AGAP2: variants seen among roughly 807,000 people sequenced by gnomAD.
AGAP2 encodes ArfGAP with GTPase domain, ankyrin repeat and PH domain 2, also known as arf-GAP with GTPase, ANK repeat and PH domain-containing protein 2.
In AGAP2, 32 loss-of-function variants were observed where a neutral mutation model predicts 110.9. The ratio of observed to expected loss-of-function variants is 0.29; its 90% CI spans 0.22 to 0.39. The LOEUF is 0.39. Among genes scored for constraint, AGAP2 ranks in the 10% least tolerant of loss-of-function variants. The pLI, the probability that AGAP2 is intolerant of heterozygous loss-of-function variation, is 1.00. For synonymous variants in AGAP2, 702 were observed against 713.0 expected (o/e 0.98, Z 0.25); for missense variants, 1,285 against 1,638.5 (o/e 0.78, Z 3.72).
At chr12:57,741,614 T>A (rs1254733622), upstream of AGAP2, among the ~76,000 whole-genome samples, 1 of 152,110 alleles carries the variant, frequency 6.6e-6, no homozygotes, top group Non-Finnish European at 1.5e-5. Context: ...AGGGAACAAG[T>A]CTACCATGAG....
At position 57,737,102 on chromosome 12, in the gene AGAP2, C is replaced by T. The variant is rs746865207; in HGVS notation, c.1145G>A (p.Gly382Asp). 1 of 1,554,370 alleles carries T rather than the reference C, an allele frequency of 6.4e-7. No homozygotes were observed. Among genetic ancestry groups the T allele is most frequent in the South Asian group, 1.2e-5 (1 of 83,740 alleles). Residue 382 changes from glycine to aspartate, a missense_variant, in exon 1 of 19, where the codon GGC (glycine) becomes GAC (aspartate). By Grantham distance (94) the Gly-to-Asp change is moderately conservative. Transcript: ENST00000547588. The surrounding 1 kb of genome is among the most constrained non-coding windows in gnomAD (Gnocchi z 5.9). The stretch of plus-strand genomic sequence containing the variant: ...ACTAGGGGAAGCGCGGAGCTCGGCG[C>T]CCAGCAGCTCCCTGGACCCGCTGCC... ...SSGSGSRELL[G>D]AELRASPKAV...
chr12:57,741,888 GTTGAGGGCTGACCTTTCTCTTACC>G, upstream of AGAP2: 1 of 1,607,240 alleles, frequency 6.2e-7, no homozygotes, highest in Non-Finnish European at 8.5e-7. Context: ...ATACACCCAA[GTTGAGGGCTGACCTTTCTCTTACC>G]TCGAATGCTG....
chr12:57,738,354 C>T lies in AGAP2; in HGVS notation c.-108G>A, dbSNP rs1384309754. ...CTCGCTGCCCCCAGCCCCCGGACCCCGCTGAGCCCCCGGCCCGGCTCCGCT... is the reference window on the plus strand; with the variant it reads ...CTCGCTGCCCCCAGCCCCCGGACCCTGCTGAGCCCCCGGCCCGGCTCCGCT... On this transcript the variant is annotated 5_prime_UTR_variant, in exon 1 of 19. Coordinates refer to ENST00000547588, the MANE Select transcript of AGAP2 (RefSeq NM_001122772.3). The surrounding 1 kb of genome is among the most constrained non-coding windows in gnomAD (Gnocchi z 6.7). 40 of 1,259,956 alleles carry T rather than the reference C, an allele frequency of 3.2e-5. No homozygotes were observed. Among genetic ancestry groups the T allele is most frequent in the Non-Finnish European group, 3.7e-5 (37 of 1,000,110 alleles). The allele number at this position is 1,259,956 out of a possible 1,614,324, so 78.0% of individuals were successfully genotyped here.
chr12:57,732,494 G>A lies in AGAP2; in HGVS notation c.1703C>T (p.Thr568Ile). 1 of 1,589,448 alleles carries A rather than the reference G, an allele frequency of 6.3e-7. No homozygotes were observed. Among genetic ancestry groups the A allele is most frequent in the Non-Finnish European group, 8.6e-7 (1 of 1,167,010 alleles). Residue 568 changes from threonine (T) to isoleucine (I), a missense_variant, in exon 7 of 19, where the codon ACC (threonine) becomes ATC (isoleucine). Physicochemically the swap from Thr to Ile is moderately conservative, Grantham distance 89. Coordinates refer to ENST00000547588, the MANE Select transcript of AGAP2 (RefSeq NM_001122772.3). ...VFQEVAQKVV[T>I]LRKQQQLLAA... ...CAGAAGCTGTTGCTGCTTGCGCAAG[G>A]TCACCACCTTCTGGGCCACTGAGGG... is the stretch of plus-strand genomic sequence containing the variant.
In AGAP2 at chr12:57,730,522, G is replaced by T. The variant is rs767564132; in HGVS notation, c.2401C>A (p.Arg801=). The change falls in exon 12 of 19, where the codon CGG becomes AGG. Residue 801 remains arginine, a synonymous_variant. Coordinates refer to ENST00000547588, the MANE Select transcript of AGAP2 (RefSeq NM_001122772.3). ...QTSKHLLKPD[R]NLARALSTDC... ...GTGCTGAGGGCTCGGGCCAAATTCCGGTCTGGCTTCAGCAGGTGTTTGGAT... is the reference window on the plus strand; with the variant it reads ...GTGCTGAGGGCTCGGGCCAAATTCCTGTCTGGCTTCAGCAGGTGTTTGGAT... 1.9e-6 allele frequency: 3 copies of T among 1,614,050 alleles called. No homozygotes were observed. The highest frequency in any genetic ancestry group is 2.2e-5 in the South Asian group (2 of 91,074).
upstream of AGAP2, among the ~76,000 whole-genome samples, chr12:57,741,340 A>G (rs1487805902): frequency 6.6e-6 from 1 of 152,160 alleles, no homozygotes; most frequent in Non-Finnish European, 1.5e-5. Context: ...GAGGGGACCA[A>G]GAAGAGTTCT....
Position 57,727,053 on chromosome 12 carries a change from A to G in AGAP2, c.3257T>C (p.Val1086Ala). 1 of 1,605,602 alleles carries G rather than the reference A, an allele frequency of 6.2e-7. No individual in the cohort carries two copies. Among genetic ancestry groups the G allele is most frequent in the Admixed American group, 1.7e-5 (1 of 58,818 alleles). The change falls in exon 18 of 19, where the codon GTA becomes GCA. Residue 1086 changes from valine to alanine, a missense_variant. Physicochemically the swap from Val to Ala is moderately conservative, Grantham distance 64 (BLOSUM62 0). Around this residue, in one of 7 missense-constraint regions of AGAP2, gnomAD observed 201 missense variants for 276.1 expected, o/e 0.73. Coordinates refer to ENST00000547588, the MANE Select transcript of AGAP2 (RefSeq NM_001122772.3). ...HARHGPLDTSVEDPQLRSPLH... is the reference protein window; with the variant it reads ...HARHGPLDTSAEDPQLRSPLH... Reference sequence around the variant, plus strand: ...TGGGGAGCGCAGCTGTGGGTCCTCTACGCTGGTGTCGAGCGGCCCGTGTCG... The same window carrying G: ...TGGGGAGCGCAGCTGTGGGTCCTCTGCGCTGGTGTCGAGCGGCCCGTGTCG...
chr12:57,738,757 G>C (rs1036800560), upstream of AGAP2, among the ~76,000 whole-genome samples: 1 of 151,838 alleles, frequency 6.6e-6, no homozygotes, highest in African/African-American at 2.4e-5. This position sits in a 1 kb window ranked among gnomAD's most constrained non-coding sequence, Gnocchi z 6.7. Context: ...CTGGCCGTGC[G>C]GGGGATTCGC....
Position 57,731,429 on chromosome 12 carries a change from T to C in AGAP2, c.2082A>G (p.Glu694=), listed in dbSNP as rs147874572. The C allele has an allele frequency of 6.2e-7, 1 of 1,614,062 alleles. No homozygotes were observed. Among genetic ancestry groups the C allele is most frequent in the Non-Finnish European group, 8.5e-7 (1 of 1,180,028 alleles). ...ACAGGGTTACATATTTCTTCTTCCA[T>C]TCTTTGTTCAAGGAATTGCCACTTC... ...LKRSGNSLNK[E]WKKKYVTLSS... Residue 694 remains glutamate, a synonymous_variant, in exon 10 of 19, where the codon GAA becomes GAG. Transcript: ENST00000547588.
intron 5 of AGAP2, among the ~76,000 whole-genome samples, chr12:57,733,610 T>C (rs1454262230): frequency 6.6e-6 from 1 of 152,214 alleles, no homozygotes; most frequent in Non-Finnish European, 1.5e-5. Context: ...TGTTTTCACT[T>C]TGTTTTTGGA....
Position 57,737,484 on chromosome 12 carries a change from C to T in AGAP2, c.763G>A (p.Gly255Arg). ...CGGGCTCCAGCCCCAGCCCCGACCCCACCAGAGGTCGAAGCTGTAGAGCCC... is the reference window on the plus strand; with the variant it reads ...CGGGCTCCAGCCCCAGCCCCGACCCTACCAGAGGTCGAAGCTGTAGAGCCC... ...GGGSTASTSGGVGAGAGARGK... is the reference protein window; with the variant it reads ...GGGSTASTSGRVGAGAGARGK... The change falls in exon 1 of 19, where the codon GGG becomes AGG. Residue 255 changes from glycine to arginine, a missense_variant. By Grantham distance (125) the Gly-to-Arg change is moderately radical (BLOSUM62 -2). Transcript: ENST00000547588. This position sits in a 1 kb window ranked among gnomAD's most constrained non-coding sequence, Gnocchi z 5.9. 1 of 1,606,462 alleles carries T rather than the reference C, an allele frequency of 6.2e-7. No individual in the cohort carries two copies. Among genetic ancestry groups the T allele is most frequent in the African/African-American group, 1.3e-5 (1 of 74,988 alleles).
At chr12:57,724,600 C>G (rs960425938), downstream of AGAP2, 3 of 152,242 alleles carry the variant, frequency 2.0e-5, no homozygotes, top group African/African-American at 7.2e-5. Context: ...GAAATCTTTC[C>G]CAGGAGGTCT....
rs747662301 is a variant in AGAP2 at position 57,727,245 on chromosome 12, T to C, written c.3081-16A>G. The C allele has an allele frequency of 6.2e-7, 1 of 1,612,316 alleles. No homozygotes were observed. The highest frequency in any genetic ancestry group is 1.3e-5 in the African/African-American group (1 of 74,876). ...GCGCTCCTCCCTGCAAGACCAGGGA[T>C]CAACGGAAAAGGCTCTAGGGACCCC... On this transcript the variant is annotated splice_polypyrimidine_tract_variant and intron_variant, in intron 17 of 18. Coordinates refer to ENST00000547588, the MANE Select transcript of AGAP2 (RefSeq NM_001122772.3).
In AGAP2 at chr12:57,727,577, T is replaced by G; in HGVS notation, c.2863A>C (p.Thr955Pro). The part of the protein sequence containing the change: ...ICVDCGAPNP[T>P]WASLNLGALI... Reference sequence around the variant, plus strand: ...GCGCCCAGGTTCAAGCTGGCCCACGTGGGGTCTGCGGAAGGAGCGTAGAGG... The same window carrying G: ...GCGCCCAGGTTCAAGCTGGCCCACGGGGGGTCTGCGGAAGGAGCGTAGAGG... The change falls in exon 17 of 19, where the codon ACG becomes CCG. Residue 955 changes from threonine (T) to proline (P), a missense_variant. By Grantham distance (38) the Thr-to-Pro change is conservative. Around this residue, in one of 7 missense-constraint regions of AGAP2, gnomAD observed 39 missense variants for 45.8 expected, o/e 0.85. Coordinates refer to ENST00000547588, the MANE Select transcript of AGAP2 (RefSeq NM_001122772.3). 2 of 1,604,580 alleles carry G rather than the reference T, an allele frequency of 1.2e-6. No individual in the cohort carries two copies. The highest frequency in any genetic ancestry group is 1.7e-6 in the Non-Finnish European group (2 of 1,177,512).
In AGAP2 at chr12:57,734,329, G is replaced by T. The variant is rs373954627; in HGVS notation, c.1391C>A (p.Pro464His). The part of the protein sequence containing the change: ...LVLIREEAGA[P>H]DAKFSGWADA... ...CACCTCCACCCTCACCTTGGCATCA[G>T]GTGCCCCAGCTTCCTCTCGGATTAG... is the stretch of plus-strand genomic sequence containing the variant. The change falls in exon 4 of 19, where the codon CCT becomes CAT. Residue 464 changes from proline to histidine, a missense_variant. By Grantham distance (77) the Pro-to-His change is moderately conservative. Around this residue, in one of 7 missense-constraint regions of AGAP2, gnomAD observed 844 missense variants for 941.2 expected, o/e 0.90. Coordinates refer to ENST00000547588, the MANE Select transcript of AGAP2 (RefSeq NM_001122772.3). The T allele has an allele frequency of 6.2e-7, 1 of 1,614,178 alleles. No individual in the cohort carries two copies. The highest frequency in any genetic ancestry group is 1.1e-5 in the South Asian group (1 of 91,082).
At chr12:57,738,783 A>G (rs1955039022), upstream of AGAP2, among the ~76,000 whole-genome samples, 1 of 130,976 alleles carries the variant, frequency 7.6e-6, no homozygotes, top group Non-Finnish European at 1.6e-5. This position sits in a 1 kb window ranked among gnomAD's most constrained non-coding sequence, Gnocchi z 6.7. Flanking sequence ...CGCGGGGAGG[A>G]TGCTGGGGAT....
chr12:57,727,331 C>A, intron 17 of AGAP2, 29 bp downstream of exon 17: 1 of 1,604,316 alleles, frequency 6.2e-7, no homozygotes. Context: ...CTCAGCAACC[C>A]TCCCCCCGCT....
At position 57,732,523 on chromosome 12, in the gene AGAP2, T is replaced by C; in HGVS notation, c.1685-11A>G. Reference sequence around the variant, plus strand: ...CCACCTTCTGGGCCACTGAGGGGAGTTGACGGAAGGAGGTGTGAGCAGGCC... The same window carrying C: ...CCACCTTCTGGGCCACTGAGGGGAGCTGACGGAAGGAGGTGTGAGCAGGCC... On this transcript the variant is annotated splice_polypyrimidine_tract_variant and intron_variant, in intron 6 of 18. Coordinates refer to ENST00000547588, the MANE Select transcript of AGAP2 (RefSeq NM_001122772.3). 1 of 1,574,414 alleles carries C rather than the reference T, an allele frequency of 6.4e-7. No homozygotes were observed. Among genetic ancestry groups the C allele is most frequent in the Non-Finnish European group, 8.6e-7 (1 of 1,158,738 alleles).
At chr12:57,728,239 G>A in intron 14 of AGAP2, 79 bp downstream of exon 14, 2 of 1,555,412 alleles carry the variant, frequency 1.3e-6, no homozygotes, top group South Asian at 1.2e-5. Context: ...GGAAGCCCGA[G>A]CACATGCAGG....
Sources: allele counts gnomAD v4.1 joint callset (sites outside exome capture counted in the v4.1 genomes callset), GRCh38; gene constraint gnomAD v4.1.1; regional missense constraint gnomAD v4.1.1; non-coding constraint Gnocchi (gnomAD v3.1); transcripts MANE v1.5; gene names NCBI Gene and HGNC (gene_info 2026-07-23, HGNC 2026-07-21).